The following SH3PXD2A variants were observed in gnomAD, a reference collection of about 807,000 sequenced individuals.
SH3PXD2A encodes the protein SH3 and PX domain-containing protein 2A.
Under a neutral mutation model 115.2 loss-of-function variants are expected in SH3PXD2A, and 32 were observed. The observed-to-expected ratio is 0.28, with a 90% CI of 0.21 to 0.37. The LOEUF (loss-of-function observed/expected upper bound fraction) is 0.37. Ranked by LOEUF, SH3PXD2A falls within the 10% of genes least tolerant of loss-of-function variation. SH3PXD2A has a pLI of 1.00. For missense variants in SH3PXD2A, 1,328 were observed against 1,498.7 expected, an observed-to-expected ratio of 0.89 and a Z score of 1.88; for synonymous variants, 610 against 629.1, an observed-to-expected ratio of 0.97 and a Z score of 0.45.
chr10:103,662,031 G>T, intron 7 of SH3PXD2A: 1 of 848,948 alleles, frequency 1.2e-6, no homozygotes, highest in Non-Finnish European at 1.4e-6. Flanking sequence ...CCTGCTTCCA[G>T]AGAGGGCCCT....
rs141850865 is a variant in SH3PXD2A at position 103,639,154 on chromosome 10, C to T, written c.605-11952G>A. On this transcript the variant is annotated intron_variant, in intron 8 of 14. Transcript: ENST00000369774. ...AGACAGCCCCATGCAGTGGACATGG[C>T]GGTGGGTGATACAATGCTTGCCAAG... is the stretch of plus-strand genomic sequence containing the variant. Among the ~76,000 whole-genome samples, 341 of 152,134 alleles carry T rather than the reference C, an allele frequency of 2.2e-3. 4 individuals carry two copies. The East Asian group carries it at 0.031, about 14-fold the overall frequency.
rs1454712238 is a variant in SH3PXD2A, at chr10:103,596,549, A to G, written c.*5267T>C. ...CTGCCCATTGCCAAGGACTTGTTCAATGGAGACAGCTTGCCTGGTATTTTT... is the reference window on the plus strand; with the variant it reads ...CTGCCCATTGCCAAGGACTTGTTCAGTGGAGACAGCTTGCCTGGTATTTTT... On this transcript the variant is annotated 3_prime_UTR_variant, in exon 15 of 15. Transcript: ENST00000369774. 3 of 152,544 alleles carry G rather than the reference A, an allele frequency of 2.0e-5. No homozygotes were observed. Among genetic ancestry groups the G allele is most frequent in the African/African-American group, 4.8e-5 (2 of 41,420 alleles). The allele number at this position is 152,544 out of a possible 1,614,324, so 9.4% of individuals were successfully genotyped here.
chr10:103,809,658 TC>T (rs2039245851), intron 1 of SH3PXD2A, among the ~76,000 whole-genome samples: 2 of 7,078 alleles, frequency 2.8e-4, no homozygotes, highest in Non-Finnish European at 4.7e-4. Context: ...CCTCCTTCCC[TC>T]TCCCTCCCTC....
intron 1 of SH3PXD2A, among the ~76,000 whole-genome samples, chr10:103,801,968 T>C (rs1257031594): frequency 6.6e-6 from 1 of 152,168 alleles, no homozygotes; most frequent in African/African-American, 2.4e-5. Context: ...CCTTCCAAAG[T>C]GCTGGGATTA....
At chr10:103,801,556 CACACACACACAT>C (rs1292590723) in intron 1 of SH3PXD2A, among the ~76,000 whole-genome samples, 194 bp from the exon 2 acceptor site, 1 of 151,856 alleles carries the variant, frequency 6.6e-6, no homozygotes, top group Non-Finnish European at 1.5e-5. Flanking sequence ...CACACACACA[CACACACACACAT>C]ACCCCTAGAG....
At chr10:103,767,810 G>GTTTTTTTTTTTTTTTTT (rs34903223) in intron 2 of SH3PXD2A, among the ~76,000 whole-genome samples, 2 of 67,740 alleles carry the variant, frequency 3.0e-5, no homozygotes, top group Non-Finnish European at 5.9e-5. Context: ...CAACTGTTTT[G>GTTTTTTTTTTTTTTTTT]TTTTTTTTTT....
At chr10:103,673,422 G>C (rs2037489902) in intron 6 of SH3PXD2A, 1 of 152,108 alleles carries the variant, frequency 6.6e-6, no homozygotes. Flanking sequence ...ATCTAGCCAG[G>C]CGTGGTGGTG....
At chr10:103,722,941 C>A (rs902352240) in intron 5 of SH3PXD2A, among the ~76,000 whole-genome samples, 3 of 152,176 alleles carry the variant, frequency 2.0e-5, no homozygotes, top group Non-Finnish European at 4.4e-5. Context: ...TTTCCTCCCT[C>A]GAAATGCCCA....
chr10:103,613,744 G>C (rs1359552209), intron 11 of SH3PXD2A, among the ~76,000 whole-genome samples: 2 of 152,186 alleles, frequency 1.3e-5, no homozygotes, highest in Admixed American at 6.5e-5. Flanking sequence ...TGCAGGGATA[G>C]AGTCGCTGCT....
intron 5 of SH3PXD2A, among the ~76,000 whole-genome samples, chr10:103,717,622 C>T (rs1463223512): frequency 1.3e-5 from 2 of 152,220 alleles, no homozygotes. Context: ...GAACTGCATC[C>T]TCCTGGGAAT....
intron 2 of SH3PXD2A, among the ~76,000 whole-genome samples, chr10:103,782,932 T>TGG (rs200099897): frequency 1.7e-4 from 22 of 131,904 alleles, no homozygotes; most frequent in African/African-American, 7.2e-4. Context: ...AATGCATGCC[T>TGG]TGGGGGGGGG....
intron 1 of SH3PXD2A, among the ~76,000 whole-genome samples, chr10:103,804,019 T>C (rs1335727672): frequency 6.6e-6 from 1 of 152,144 alleles, no homozygotes; most frequent in Non-Finnish European, 1.5e-5. Flanking sequence ...GTTACTACCA[T>C]TAGAAAGGAG....
chr10:103,786,180 C>G (rs1052828647), intron 2 of SH3PXD2A, among the ~76,000 whole-genome samples: 2 of 152,192 alleles, frequency 1.3e-5, no homozygotes, highest in Non-Finnish European at 2.9e-5. Flanking sequence ...AGGGAAAGGA[C>G]TCCTCTCCTC....
chr10:103,818,093 A>G (rs1301503839), intron 1 of SH3PXD2A, among the ~76,000 whole-genome samples: 2 of 152,228 alleles, frequency 1.3e-5, no homozygotes, highest in East Asian at 3.8e-4. Flanking sequence ...CAGCAAAGCT[A>G]TTGTTTAAAA....
At position 103,612,948 on chromosome 10, in the gene SH3PXD2A, T is replaced by C. The variant is rs764308411; in HGVS notation, c.1163A>G (p.Asn388Ser). ...GTCAGGAACGCCCACGGCACTGCCATTGGAGGCATTGCAGAGGATGGGCAG... is the reference window on the plus strand; with the variant it reads ...GTCAGGAACGCCCACGGCACTGCCACTGGAGGCATTGCAGAGGATGGGCAG... ...ISLPILCNASNGSAVGVPDRT... is the reference protein window; with the variant it reads ...ISLPILCNASSGSAVGVPDRT... Residue 388 changes from asparagine (N) to serine (S), a missense_variant, in exon 12 of 15, where the codon AAT (asparagine) becomes AGT (serine). By Grantham distance (46) the Asn-to-Ser change is conservative. Around this residue, in one of 5 missense-constraint regions of SH3PXD2A, gnomAD observed 509 missense variants for 628.3 expected, o/e 0.81. Transcript: ENST00000369774. The C allele has an allele frequency of 4.3e-6, 7 of 1,613,920 alleles. No individual in the cohort carries two copies. The East Asian group carries it at 8.9e-5, about 21-fold the overall frequency.
chr10:103,843,392 A>G (rs1448771739), intron 1 of SH3PXD2A, among the ~76,000 whole-genome samples: 1 of 152,136 alleles, frequency 6.6e-6, no homozygotes, highest in African/African-American at 2.4e-5. Flanking sequence ...AATACCAGGA[A>G]CTTAAACTCC....
intron 8 of SH3PXD2A, among the ~76,000 whole-genome samples, chr10:103,644,138 A>G (rs1011765822): frequency 1.6e-5 from 2 of 127,724 alleles, no homozygotes; most frequent in South Asian, 2.7e-4. Flanking sequence ...AAAAAAAAAA[A>G]AGAATCTGCC....
intron 2 of SH3PXD2A, among the ~76,000 whole-genome samples, chr10:103,790,341 G>A (rs2039023298): frequency 6.6e-6 from 1 of 151,988 alleles, no homozygotes; most frequent in Admixed American, 6.6e-5. Flanking sequence ...ATTTTTAGTA[G>A]AGACGGGGTT....
intron 14 of SH3PXD2A, 31 bp from the exon 15 acceptor site, chr10:103,603,820 T>C: frequency 2.5e-6 from 4 of 1,573,320 alleles, no homozygotes; most frequent in Non-Finnish European, 3.4e-6. Context: ...AGCCAGTGAG[T>C]TGGGAGGATC....
Sources: gnomAD v4.1 joint callset for allele counts (sites outside exome capture counted in the v4.1 genomes callset) on GRCh38, gnomAD v4.1.1 for gene constraint, gnomAD v4.1.1 regional missense constraint, MANE v1.5 for transcripts, NCBI Gene and HGNC (gene_info 2026-07-23, HGNC 2026-07-21) for gene names.